DNAH7: variants seen among roughly 807,000 people sequenced by gnomAD.
The protein encoded by DNAH7 is dynein axonemal heavy chain 7, also known as axonemal beta dynein heavy chain 7.
Under a neutral mutation model 444.6 loss-of-function variants are expected in DNAH7, and 397 were observed. The ratio of observed to expected loss-of-function variants is 0.89; its 90% CI spans 0.82 to 0.97. DNAH7 has a LOEUF of 0.97. Among genes scored for constraint, DNAH7 ranks in the 50% least tolerant of loss-of-function variants. DNAH7 has a pLI of 0.00. For missense variants in DNAH7, 4,902 were observed against 4,800.8 expected, an observed-to-expected ratio of 1.02 and a Z score of -0.62; for synonymous variants, 1,636 against 1,624.4, an observed-to-expected ratio of 1.01 and a Z score of -0.17.
At chr2:195,969,511 G>C (rs1344686688) in intron 17 of DNAH7, among the ~76,000 whole-genome samples, 3 of 152,134 alleles carry the variant, frequency 2.0e-5, no homozygotes, top group African/African-American at 7.2e-5. Flanking sequence ...GAACAAAATT[G>C]CTTGGTGAGA....
rs930344901 is a variant in DNAH7, at chr2:196,068,795, G to A, written c.-84C>T. The A allele has an allele frequency of 7.9e-6, 12 of 1,515,448 alleles. No individual in the cohort carries two copies. Among genetic ancestry groups the A allele is most frequent in the Non-Finnish European group, 1.1e-5 (12 of 1,122,526 alleles). 93.9% of individuals were successfully genotyped at this position (1,515,448 alleles called of 1,614,324 possible). On this transcript the variant is annotated 5_prime_UTR_variant, in exon 1 of 65. Transcript: ENST00000312428. ...CCTAGGACGATAGAGGCAGGGCCCC[G>A]GGACTTGCAGCGGTCTCAGCTCCCT...
intron 1 of DNAH7, among the ~76,000 whole-genome samples, chr2:196,067,378 C>G (rs1463134274): frequency 6.6e-6 from 1 of 152,070 alleles, no homozygotes; most frequent in East Asian, 1.9e-4. Flanking sequence ...TTTTTTAAAT[C>G]TGATTACATT....
rs1696336379 is a variant in DNAH7 at position 195,799,361 on chromosome 2, G to C, written c.10288C>G (p.Leu3430Val). ...AFGDSNCCAP[L>V]IFVLSPGADP... ...GCTCCAGGAGAGAGCACGAAAATCAGTGGTGCACAGCAGTTACTGTCTCCA... is the reference window on the plus strand; with the variant it reads ...GCTCCAGGAGAGAGCACGAAAATCACTGGTGCACAGCAGTTACTGTCTCCA... Residue 3430 changes from leucine (L) to valine (V), a missense_variant, in exon 55 of 65, where the codon CTG (leucine) becomes GTG (valine). Coordinates refer to ENST00000312428, the MANE Select transcript of DNAH7 (RefSeq NM_018897.3). The C allele has an allele frequency of 6.2e-7, 1 of 1,612,358 alleles. No homozygotes were observed. Among genetic ancestry groups the C allele is most frequent in the East Asian group, 2.2e-5 (1 of 44,754 alleles).
intron 38 of DNAH7, among the ~76,000 whole-genome samples, chr2:195,874,469 T>C (rs890293301): frequency 1.3e-5 from 2 of 152,150 alleles, no homozygotes; most frequent in African/African-American, 2.4e-5. Context: ...GGTTTCAGCA[T>C]ACTTTTCTTA....
At chr2:195,884,990 C>T (rs1370547914) in intron 34 of DNAH7, among the ~76,000 whole-genome samples, 181 bp from the exon 35 acceptor site, 2 of 152,098 alleles carry the variant, frequency 1.3e-5, no homozygotes, top group African/African-American at 4.8e-5. Context: ...AAATCGCATG[C>T]TTATAAAATC....
At chr2:195,949,543 CA>C (rs141538353) in intron 19 of DNAH7, among the ~76,000 whole-genome samples, 2,571 of 152,266 alleles carry the variant, frequency 0.017, 67 homozygotes, top group African/African-American at 0.058. Context: ...TTCAGCCTCC[CA>C]AAGCGCTGGG....
intron 46 of DNAH7, among the ~76,000 whole-genome samples, chr2:195,847,478 C>A (rs2125018823): frequency 6.6e-6 from 1 of 151,726 alleles, no homozygotes; most frequent in East Asian, 1.9e-4. Context: ...GCAATAGACA[C>A]TGGGGCCTAC....
intron 51 of DNAH7, among the ~76,000 whole-genome samples, chr2:195,810,233 T>C (rs1380418460): frequency 2.0e-5 from 3 of 152,182 alleles, no homozygotes; most frequent in Admixed American, 2.0e-4. Context: ...TCAAATGTTT[T>C]ATATTGTATA....
intron 4 of DNAH7, among the ~76,000 whole-genome samples, chr2:196,048,028 G>C (rs1697242671): frequency 6.6e-6 from 1 of 152,082 alleles, no homozygotes; most frequent in Non-Finnish European, 1.5e-5. Flanking sequence ...CTTTGATGTA[G>C]AGGCAAATTC....
At chr2:195,743,214 G>T (rs564233948) in intron 63 of DNAH7, among the ~76,000 whole-genome samples, 1 of 152,190 alleles carries the variant, frequency 6.6e-6, no homozygotes, top group African/African-American at 2.4e-5. Flanking sequence ...TGAAGGCTGC[G>T]CTGTCTGCTT....
In DNAH7 at chr2:196,001,831, A is replaced by G. The variant is rs1204821451; in HGVS notation, c.1017T>C (p.Tyr339=). ...KMWFPEVQNI[Y]YQGNKKKQLP... is the part of the protein sequence containing the mutation. The stretch of plus-strand genomic sequence containing the variant: ...ATTGCTTTTTTTTATTACCTTGGTA[A>G]TAAATATTCTGCACTTCTGGAAACC... The change falls in exon 11 of 65, where the codon TAT becomes TAC. Residue 339 remains tyrosine (Y), a synonymous_variant. Transcript: ENST00000312428. 6.2e-7 allele frequency: 1 copy of G among 1,609,434 alleles called. No individual in the cohort carries two copies. The highest frequency in any genetic ancestry group is 8.5e-7 in the Non-Finnish European group (1 of 1,178,674).
At chr2:196,057,605 C>G (rs1697888346) in intron 2 of DNAH7, among the ~76,000 whole-genome samples, 1 of 152,120 alleles carries the variant, frequency 6.6e-6, no homozygotes, top group Admixed American at 6.5e-5. Context: ...AAATTTTCAT[C>G]CAAGTTTTTT....
chr2:195,919,055 C>G (rs941706189), intron 24 of DNAH7, among the ~76,000 whole-genome samples: 1 of 151,922 alleles, frequency 6.6e-6, no homozygotes, highest in Non-Finnish European at 1.5e-5. Flanking sequence ...TCAAGACCAT[C>G]CTGGCCAACA....
chr2:195,947,627 C>T (rs1394779351), intron 19 of DNAH7, among the ~76,000 whole-genome samples: 2 of 152,066 alleles, frequency 1.3e-5, no homozygotes, highest in Non-Finnish European at 2.9e-5. Flanking sequence ...ATGAACTCAT[C>T]CTTTTTTATG....
At chr2:196,014,684 T>C (rs945555375) in intron 9 of DNAH7, among the ~76,000 whole-genome samples, 1 of 152,130 alleles carries the variant, frequency 6.6e-6, no homozygotes, top group Non-Finnish European at 1.5e-5. Context: ...AAACTAATCT[T>C]CTCTCTTCTT....
At position 195,740,824 on chromosome 2, in the gene DNAH7, C is replaced by G; in HGVS notation, c.11810G>C (p.Arg3937Thr). 2 of 1,569,088 alleles carry G rather than the reference C, an allele frequency of 1.3e-6. No homozygotes were observed. The highest frequency in any genetic ancestry group is 1.7e-6 in the Non-Finnish European group (2 of 1,156,260). Residue 3937 changes from arginine (R) to threonine (T), a missense_variant, in exon 64 of 65, where the codon AGA (arginine) becomes ACA (threonine). Coordinates refer to ENST00000312428, the MANE Select transcript of DNAH7 (RefSeq NM_018897.3). ...GLFLDGASWN[R>T]KIKKLAESHP... is the part of the protein sequence containing the mutation. ...CGATTCTGCAAGTTTCTTGATCTTT[C>G]TATTCCAGGAAGCTCCATCCAGAAA...
chr2:195,989,741 A>G (rs1693171823), intron 12 of DNAH7, among the ~76,000 whole-genome samples: 1 of 152,012 alleles, frequency 6.6e-6, no homozygotes, highest in South Asian at 2.1e-4. Context: ...ACAAGTTCTC[A>G]TGAGATCTGG....
At chr2:195,822,611 C>T (rs1460503760) in intron 49 of DNAH7, among the ~76,000 whole-genome samples, 2 of 152,072 alleles carry the variant, frequency 1.3e-5, no homozygotes, top group African/African-American at 4.8e-5. Context: ...TCAATCCCAG[C>T]AATTAAAAAT....
At chr2:195,962,348 C>T (rs1691166820) in intron 17 of DNAH7, among the ~76,000 whole-genome samples, 1 of 152,154 alleles carries the variant, frequency 6.6e-6, no homozygotes, top group African/African-American at 2.4e-5. Context: ...CAATTATACA[C>T]TTTTGGTTGG....
Sources: gnomAD v4.1 joint callset for allele counts (sites outside exome capture counted in the v4.1 genomes callset) on GRCh38, gnomAD v4.1.1 for gene constraint, MANE v1.5 for transcripts, NCBI Gene and HGNC (gene_info 2026-07-23, HGNC 2026-07-21) for gene names.